The following EPS15L1 variants were observed in gnomAD, a reference collection of about 807,000 sequenced individuals.
The protein encoded by EPS15L1 is epidermal growth factor receptor substrate 15-like 1.
In EPS15L1, 43 loss-of-function variants were observed where a neutral mutation model predicts 117.1. The ratio of observed to expected loss-of-function variants is 0.37; its 90% CI spans 0.29 to 0.47. The LOEUF (loss-of-function observed/expected upper bound fraction) is 0.47. Among genes scored for constraint, EPS15L1 ranks in the 20% least tolerant of loss-of-function variants. EPS15L1 has a pLI of 0.99. For missense variants in EPS15L1, 981 were observed against 1,164.0 expected, an observed-to-expected ratio of 0.84 and a Z score of 2.29; for synonymous variants, 459 against 470.5, an observed-to-expected ratio of 0.98 and a Z score of 0.32.
intron 3 of EPS15L1, 131 bp from the exon 4 acceptor site, chr19:16,441,040 G>T: frequency 2.3e-6 from 2 of 872,554 alleles, no homozygotes; most frequent in Non-Finnish European, 3.9e-6. Flanking sequence ...TTGTCCTGCA[G>T]ATGAAGAAGC....
At chr19:16,421,598 T>A in intron 9 of EPS15L1, 122 bp from the exon 10 acceptor site, 1 of 1,035,726 alleles carries the variant, frequency 9.7e-7, no homozygotes, top group African/African-American at 1.6e-5. Flanking sequence ...CTCTCCTCAC[T>A]TCCATGAGCC....
At position 16,402,469 on chromosome 19, in the gene EPS15L1, G is replaced by T. The variant is rs770275949; in HGVS notation, c.1643C>A (p.Ser548Tyr). Reference sequence around the variant, plus strand: ...CTCCTGGCGGCTTTCATGCAGCTGGGAAAGTTTGCTCCTTGCCTGTGCAAC... The same window carrying T: ...CTCCTGGCGGCTTTCATGCAGCTGGTAAAGTTTGCTCCTTGCCTGTGCAAC... ...DEINQARSKLSQLHESRQEAH... is the reference protein window; with the variant it reads ...DEINQARSKLYQLHESRQEAH... The change falls in exon 16 of 24, where the codon TCC (serine) becomes TAC (tyrosine). Residue 548 changes from serine to tyrosine, a missense_variant. Ser to Tyr is a moderately radical substitution (Grantham distance 144). Coordinates refer to ENST00000455140, the MANE Select transcript of EPS15L1 (RefSeq NM_001258374.3). 1.2e-6 allele frequency: 2 copies of T among 1,607,246 alleles called. No homozygotes were observed. The highest frequency in any genetic ancestry group is 1.7e-6 in the Non-Finnish European group (2 of 1,176,906).
rs1471398741 is a variant in EPS15L1 at position 16,404,404 on chromosome 19, AG to A, written c.1428+183del. 1.3e-5 allele frequency among the ~76,000 whole-genome samples: 2 copies of A among 152,144 alleles called. No homozygotes were observed. The highest frequency in any genetic ancestry group is 2.9e-5 in the Non-Finnish European group (2 of 68,004). ...TATACAACCTGACTTCTAGGAGTAC[AG>A]GGGGGTGGCCAGGAAGTCAAGCCAC... On this transcript the variant is annotated intron_variant, in intron 14 of 23. Coordinates refer to ENST00000455140, the MANE Select transcript of EPS15L1 (RefSeq NM_001258374.3). The surrounding 1 kb of genome is among the most constrained non-coding windows in gnomAD (Gnocchi z 4.2).
At chr19:16,469,487 G>T (rs1219395596) in intron 1 of EPS15L1, among the ~76,000 whole-genome samples, 1 of 151,966 alleles carries the variant, frequency 6.6e-6, no homozygotes, top group Non-Finnish European at 1.5e-5. Flanking sequence ...GCTGAGCAGG[G>T]GGACAGGGAG....
At chr19:16,362,363 C>G (rs1372005900) in intron 22 of EPS15L1, among the ~76,000 whole-genome samples, 1 of 141,760 alleles carries the variant, frequency 7.1e-6, no homozygotes, top group East Asian at 2.0e-4. Flanking sequence ...AAATACACTG[C>G]AAGCTTCTAA....
chr19:16,408,614 T>G (rs1193184878), intron 13 of EPS15L1, among the ~76,000 whole-genome samples: 1 of 150,544 alleles, frequency 6.6e-6, no homozygotes, highest in Non-Finnish European at 1.5e-5. Context: ...GAGCCGAGAT[T>G]GCGCCACTGC....
chr19:16,378,658 C>T (rs376835430), intron 21 of EPS15L1, among the ~76,000 whole-genome samples: 4 of 152,132 alleles, frequency 2.6e-5, no homozygotes, highest in South Asian at 2.1e-4. Flanking sequence ...AGATACTAAG[C>T]GCCGCCACCT....
intron 22 of EPS15L1, among the ~76,000 whole-genome samples, chr19:16,362,778 G>A (rs1396241724): frequency 6.6e-6 from 1 of 152,008 alleles, no homozygotes; most frequent in Non-Finnish European, 1.5e-5. Context: ...CCAAAGTGCT[G>A]GGATTACAGG....
chr19:16,422,773 A>G (rs1470381832), intron 9 of EPS15L1, among the ~76,000 whole-genome samples: 1 of 152,130 alleles, frequency 6.6e-6, no homozygotes, highest in African/African-American at 2.4e-5. Context: ...ATTGGCCAAC[A>G]TGGTGAAACC....
rs1189548390 is a variant in EPS15L1, at chr19:16,361,771, C to G, written c.2586+8G>C. The G allele has an allele frequency of 6.2e-7, 1 of 1,611,084 alleles. No homozygotes were observed. The highest frequency in any genetic ancestry group is 1.7e-5 in the Admixed American group (1 of 59,542). On this transcript the variant is annotated splice_region_variant and intron_variant, in intron 23 of 23. Coordinates refer to ENST00000455140, the MANE Select transcript of EPS15L1 (RefSeq NM_001258374.3). ...TGGGGTGGCCCGGAGGCGGAGGACTCAACTTACAGAGGTGAAGTCTGCAAA... is the reference window on the plus strand; with the variant it reads ...TGGGGTGGCCCGGAGGCGGAGGACTGAACTTACAGAGGTGAAGTCTGCAAA...
intron 16 of EPS15L1, among the ~76,000 whole-genome samples, chr19:16,397,397 T>C (rs2092551772): frequency 6.6e-6 from 1 of 152,218 alleles, no homozygotes; most frequent in Non-Finnish European, 1.5e-5. Context: ...GCTGTTTGTC[T>C]ATTTTACCTG....
intron 15 of EPS15L1, among the ~76,000 whole-genome samples, 162 bp downstream of exon 15, chr19:16,403,571 G>C (rs911515014): frequency 4.6e-5 from 7 of 152,150 alleles, no homozygotes; most frequent in African/African-American, 1.7e-4. Flanking sequence ...CATGCCCTGG[G>C]GAGTCCTTGG....
rs1330366122 is a variant in EPS15L1, at chr19:16,370,736, C to T, written c.2380+6386G>A. Among the ~76,000 whole-genome samples, 1 of 152,236 alleles carries T rather than the reference C, an allele frequency of 6.6e-6. No homozygotes were observed. Among genetic ancestry groups the T allele is most frequent in the Non-Finnish European group, 1.5e-5 (1 of 68,048 alleles). On this transcript the variant is annotated intron_variant, in intron 22 of 23. Coordinates refer to ENST00000455140, the MANE Select transcript of EPS15L1 (RefSeq NM_001258374.3). This position sits in a 1 kb window ranked among gnomAD's most constrained non-coding sequence, Gnocchi z 5.2. ...GTTTAAACATACAAGGCTGACATTC[C>T]TCCCTCTCAGAGTGGGACCGTTCCT... is the stretch of plus-strand genomic sequence containing the variant.
At chr19:16,402,620 T>G (rs954425630) in intron 15 of EPS15L1, 135 bp from the exon 16 acceptor site, 2 of 801,566 alleles carry the variant, frequency 2.5e-6, no homozygotes, top group Non-Finnish European at 3.7e-6. Flanking sequence ...TAGCTCACTG[T>G]AGCCTTGAGC....
Position 16,441,978 on chromosome 19 carries a change from C to G in EPS15L1, c.79G>C (p.Asp27His). Reference sequence around the variant, plus strand: ...CCCACCCTCCCTGTGTATGCCGGATCGACCTGAAATGGGAGACCAAGAGGC... The same window carrying G: ...CCCACCCTCCCTGTGTATGCCGGATGGACCTGAAATGGGAGACCAAGAGGC... ...SLYESYYKQV[D>H]PAYTGRVGAS... is the part of the protein sequence containing the mutation. Residue 27 changes from aspartate (D) to histidine (H), a missense_variant, in exon 3 of 24, where the codon GAT becomes CAT. Coordinates refer to ENST00000455140, the MANE Select transcript of EPS15L1 (RefSeq NM_001258374.3). The G allele has an allele frequency of 6.2e-7, 1 of 1,612,018 alleles. No individual in the cohort carries two copies. Among genetic ancestry groups the G allele is most frequent in the Non-Finnish European group, 8.5e-7 (1 of 1,179,162 alleles).
At chr19:16,368,462 T>C (rs571113288) in intron 22 of EPS15L1, among the ~76,000 whole-genome samples, 1 of 152,024 alleles carries the variant, frequency 6.6e-6, no homozygotes, top group South Asian at 2.1e-4. Context: ...CCCACACAAT[T>C]GTCATTCATC....
chr19:16,361,646 C>T (rs1268025436), intron 23 of EPS15L1, 133 bp downstream of exon 23: 2 of 1,405,618 alleles, frequency 1.4e-6, no homozygotes, highest in Non-Finnish European at 1.9e-6. Context: ...ATAAATAACG[C>T]GAGGGACAGA....
chr19:16,376,382 C>T (rs2144697157), intron 22 of EPS15L1, among the ~76,000 whole-genome samples: 1 of 152,340 alleles, frequency 6.6e-6, no homozygotes, highest in African/African-American at 2.4e-5. Context: ...CTAACTCTGT[C>T]ATACGAGAGA....
Position 16,425,110 on chromosome 19 carries a change from G to A in EPS15L1, c.765C>T (p.Ser255=), listed in dbSNP as rs1409463438. ...GTGTTTGCTTGAGGCTGTGCTTGGG[G>A]GACAGGCTCCCTGTGCTGTTGAGGC... is the stretch of plus-strand genomic sequence containing the variant. ...VSSLNSTGSL[S]PKHSLKQTQP... is the part of the protein sequence containing the mutation. The change falls in exon 9 of 24, where the codon TCC becomes TCT. Residue 255 remains serine, a synonymous_variant. Transcript: ENST00000455140. 2 of 1,614,226 alleles carry A rather than the reference G, an allele frequency of 1.2e-6. No homozygotes were observed. The highest frequency in any genetic ancestry group is 1.7e-6 in the Non-Finnish European group (2 of 1,180,030).
Sources: allele counts gnomAD v4.1 joint callset (sites outside exome capture counted in the v4.1 genomes callset), GRCh38; gene constraint gnomAD v4.1.1; non-coding constraint Gnocchi (gnomAD v3.1); transcripts MANE v1.5; gene names NCBI Gene and HGNC (gene_info 2026-07-23, HGNC 2026-07-21).